The following MEIS1 variants were observed in gnomAD, a reference collection of about 807,000 sequenced individuals.
MEIS1 encodes the protein Meis homeobox 1, also known as homeobox protein Meis1.
In MEIS1, 5 loss-of-function variants were observed where a neutral mutation model predicts 50.8. That is an observed-to-expected ratio of 0.10 (90% CI 0.05 to 0.21). The LOEUF (loss-of-function observed/expected upper bound fraction) is 0.21, where lower values mean the gene tolerates loss of function less well. Ranked by LOEUF, MEIS1 falls within the 10% of genes least tolerant of loss-of-function variation. The pLI, the probability that MEIS1 is intolerant of heterozygous loss-of-function variation, is 1.00. For missense variants in MEIS1, 318 were observed against 517.3 expected (o/e 0.61, Z 3.74); for synonymous variants, 176 against 179.3 (o/e 0.98, Z 0.15).
chr2:66,565,845 A>G (rs1432860957), intron 9 of MEIS1, among the ~76,000 whole-genome samples: 2 of 152,210 alleles, frequency 1.3e-5, no homozygotes, highest in East Asian at 3.8e-4. Flanking sequence ...CTTTTGGTAT[A>G]TGCAGAATAT....
At chr2:66,498,694 G>A (rs1015130439) in intron 7 of MEIS1, among the ~76,000 whole-genome samples, 1 of 152,156 alleles carries the variant, frequency 6.6e-6, no homozygotes, top group Admixed American at 6.5e-5. Flanking sequence ...ACTGGAGGCT[G>A]TCCCCACGTC....
chr2:66,470,727 A>G (rs1190224687), intron 7 of MEIS1, among the ~76,000 whole-genome samples: 4 of 152,180 alleles, frequency 2.6e-5, no homozygotes, highest in African/African-American at 9.7e-5. Context: ...GTGCATTTGA[A>G]ATTATTTACA....
chr2:66,447,611 T>A (rs1035062191), intron 6 of MEIS1, among the ~76,000 whole-genome samples: 5 of 152,228 alleles, frequency 3.3e-5, no homozygotes, highest in African/African-American at 1.2e-4. Flanking sequence ...TTTTTATTGT[T>A]ACTTTCTGAT....
intron 8 of MEIS1, among the ~76,000 whole-genome samples, chr2:66,512,828 A>G (rs1284707901): frequency 6.6e-6 from 1 of 152,164 alleles, no homozygotes; most frequent in Non-Finnish European, 1.5e-5. Flanking sequence ...TTGTCCCTGT[A>G]TTTAGAACTG....
At chr2:66,542,756 A>C (rs1302182040) in intron 8 of MEIS1, among the ~76,000 whole-genome samples, 1 of 152,162 alleles carries the variant, frequency 6.6e-6, no homozygotes, top group African/African-American at 2.4e-5. Context: ...GTGCTATTAG[A>C]GTGGCCAAGG....
chr2:66,476,678 C>G (rs1325326622), intron 7 of MEIS1, among the ~76,000 whole-genome samples: 1 of 152,176 alleles, frequency 6.6e-6, no homozygotes, highest in African/African-American at 2.4e-5. Flanking sequence ...TCTAGCCTTT[C>G]CATGGTGGCC....
intron 6 of MEIS1, among the ~76,000 whole-genome samples, chr2:66,461,357 G>A (rs1672514400): frequency 6.6e-6 from 1 of 152,152 alleles, no homozygotes; most frequent in Non-Finnish European, 1.5e-5. Flanking sequence ...GAGTTCATGA[G>A]CTATTTCTGA....
intron 6 of MEIS1, among the ~76,000 whole-genome samples, chr2:66,460,367 A>G (rs1313940512): frequency 6.6e-6 from 1 of 152,122 alleles, no homozygotes; most frequent in Non-Finnish European, 1.5e-5. Context: ...AAAATACCAT[A>G]CATGGAATCA....
At chr2:66,488,256 T>G (rs1673188119) in intron 7 of MEIS1, among the ~76,000 whole-genome samples, 1 of 152,208 alleles carries the variant, frequency 6.6e-6, no homozygotes, top group African/African-American at 2.4e-5. Context: ...GATTAATATG[T>G]CCCATCAAAA....
chr2:66,464,919 A>G (rs531208263), intron 7 of MEIS1, among the ~76,000 whole-genome samples: 2 of 152,340 alleles, frequency 1.3e-5, no homozygotes, highest in East Asian at 1.9e-4. Flanking sequence ...TGAGTATTCA[A>G]ATGTCTGTAC....
At chr2:66,555,267 T>TCC (rs1473028699) in intron 9 of MEIS1, among the ~76,000 whole-genome samples, 1 of 27,270 alleles carries the variant, frequency 3.7e-5, no homozygotes, top group Non-Finnish European at 9.2e-5. Flanking sequence ...TCTCTCTCTC[T>TCC]CTCTCTCTCT....
chr2:66,446,492 T>A (rs1672150724), intron 6 of MEIS1, among the ~76,000 whole-genome samples: 2 of 152,022 alleles, frequency 1.3e-5, no homozygotes, highest in Admixed American at 6.5e-5. Context: ...AGGTCTGTGC[T>A]CGGGCCTCAG....
chr2:66,457,161 ATTTT>A (rs5831810), intron 6 of MEIS1, among the ~76,000 whole-genome samples: 1 of 140,086 alleles, frequency 7.1e-6, no homozygotes, highest in Non-Finnish European at 1.6e-5. Context: ...ATTTCTAGGG[ATTTT>A]TTTTTTTTTT....
intron 7 of MEIS1, among the ~76,000 whole-genome samples, chr2:66,469,291 G>GCCTC (rs1207054524): frequency 6.6e-6 from 1 of 151,990 alleles, no homozygotes; most frequent in East Asian, 1.9e-4. Context: ...TAGTTGCAGT[G>GCCTC]CCTCCCACTG....
chr2:66,527,585 AAAGC>A (rs1265030648), intron 8 of MEIS1, among the ~76,000 whole-genome samples: 1 of 143,066 alleles, frequency 7.0e-6, no homozygotes, highest in African/African-American at 2.6e-5. Context: ...TATTGCAGTA[AAAGC>A]AAGTGTGTGT....
In MEIS1 at chr2:66,567,525, A is replaced by G. The variant is rs951280508; in HGVS notation, c.1024+14A>G. Reference sequence around the variant, plus strand: ...CCAACCGAGCAGGCAAGTCCCCCATAGTGACTGTATTCAAGTCACGCAAGC... The same window carrying G: ...CCAACCGAGCAGGCAAGTCCCCCATGGTGACTGTATTCAAGTCACGCAAGC... On this transcript the variant is annotated intron_variant, in intron 10 of 12. Coordinates refer to ENST00000272369, the MANE Select transcript of MEIS1 (RefSeq NM_002398.3). The G allele has an allele frequency of 1.9e-6, 3 of 1,613,424 alleles. No homozygotes were observed. Among genetic ancestry groups the G allele is most frequent in the Non-Finnish European group, 2.5e-6 (3 of 1,179,616 alleles).
chr2:66,484,815 C>T (rs1453255124), intron 7 of MEIS1, among the ~76,000 whole-genome samples: 1 of 152,090 alleles, frequency 6.6e-6, no homozygotes, highest in Non-Finnish European at 1.5e-5. Flanking sequence ...CAGCCTTGGC[C>T]TGCCAAAGTG....
chr2:66,527,125 C>T (rs1049669671), intron 8 of MEIS1, among the ~76,000 whole-genome samples: 1 of 152,182 alleles, frequency 6.6e-6, no homozygotes, highest in African/African-American at 2.4e-5. Flanking sequence ...AGTCAGACAG[C>T]AAGCAAGTAT....
chr2:66,559,276 TATTTG>T (rs1285319670), intron 9 of MEIS1, among the ~76,000 whole-genome samples: 3 of 152,188 alleles, frequency 2.0e-5, no homozygotes, highest in African/African-American at 7.2e-5. Flanking sequence ...AAATAAAACA[TATTTG>T]ATCATTAAGG....
Sources: allele counts gnomAD v4.1 joint callset (sites outside exome capture counted in the v4.1 genomes callset), GRCh38; gene constraint gnomAD v4.1.1; transcripts MANE v1.5; gene names NCBI Gene and HGNC (gene_info 2026-07-23, HGNC 2026-07-21).